Variants in TXNRD1 observed in about 807,000 individuals in gnomAD.
The protein encoded by TXNRD1 is thioredoxin reductase 1, cytoplasmic.
TXNRD1 carries 57 observed loss-of-function variants against 80.3 expected under a neutral mutation model. The ratio of observed to expected loss-of-function variants is 0.71; its 90% CI spans 0.57 to 0.89. The LOEUF (loss-of-function observed/expected upper bound fraction) is 0.89. TXNRD1 is among the 40% of genes least tolerant of loss of function. The pLI, the probability that TXNRD1 is intolerant of heterozygous loss-of-function variation, is 0.00. For synonymous variants in TXNRD1, 291 were observed against 285.2 expected, an observed-to-expected ratio of 1.02 and a Z score of -0.20; for missense variants, 730 against 803.0, an observed-to-expected ratio of 0.91 and a Z score of 1.10.
intron 4 of TXNRD1, among the ~76,000 whole-genome samples, chr12:104,302,988 T>G (rs1159187451): frequency 6.6e-6 from 1 of 152,214 alleles, no homozygotes; most frequent in Non-Finnish European, 1.5e-5. Flanking sequence ...TGCCCACCTT[T>G]TAGGGTTCAG....
At chr12:104,328,139 A>G (rs2035828774) in intron 13 of TXNRD1, among the ~76,000 whole-genome samples, 1 of 151,254 alleles carries the variant, frequency 6.6e-6, no homozygotes, top group Non-Finnish European at 1.5e-5. Flanking sequence ...TACTCCTGCC[A>G]TGGCTACAGA....
At chr12:104,309,640 ACT>A in intron 4 of TXNRD1, 1 of 586,790 alleles carries the variant, frequency 1.7e-6, no homozygotes, top group Non-Finnish European at 2.8e-6. Context: ...TTATTAGTTA[ACT>A]CTTAAACCAG....
chr12:104,309,297 A>G (rs1324607940), intron 4 of TXNRD1, among the ~76,000 whole-genome samples: 1 of 152,220 alleles, frequency 6.6e-6, no homozygotes, highest in Non-Finnish European at 1.5e-5. Flanking sequence ...GGTGAGGTTC[A>G]TTCAGAGCTT....
At chr12:104,240,984 G>A (rs369082361) in intron 1 of TXNRD1, among the ~76,000 whole-genome samples, 3 of 151,270 alleles carry the variant, frequency 2.0e-5, no homozygotes, top group South Asian at 2.1e-4. Flanking sequence ...TTCGTGATCC[G>A]CCCGCCTCGG....
Position 104,339,593 on chromosome 12 carries a change from TC to T in TXNRD1, c.1881+322del, listed in dbSNP as rs565922691. On this transcript the variant is annotated intron_variant, in intron 16 of 16. Coordinates refer to ENST00000525566, the MANE Select transcript of TXNRD1 (RefSeq NM_001093771.3). Reference sequence around the variant, plus strand: ...ATGGAAGAGCTTCAATCTTAGTTATTCCACAGCTATCTTGAGGCTAATTGAT... The same window carrying T: ...ATGGAAGAGCTTCAATCTTAGTTATTCACAGCTATCTTGAGGCTAATTGAT... Among the ~76,000 whole-genome samples, 350 of 152,332 alleles carry T rather than the reference TC, an allele frequency of 2.3e-3. 5 individuals carry two copies. The highest frequency in any genetic ancestry group is 6.5e-4 in the Non-Finnish European group (44 of 68,028).
chr12:104,262,454 C>G (rs1320942083), intron 3 of TXNRD1: 1 of 152,138 alleles, frequency 6.6e-6, no homozygotes, highest in African/African-American at 2.4e-5. Flanking sequence ...ACTGCTGATG[C>G]AGTCTTCTAA....
intron 4 of TXNRD1, among the ~76,000 whole-genome samples, chr12:104,295,123 G>T (rs1279321592): frequency 6.6e-6 from 1 of 152,208 alleles, no homozygotes; most frequent in Non-Finnish European, 1.5e-5. Flanking sequence ...TAGAGTCTTA[G>T]ACTGTTAGAA....
intron 4 of TXNRD1, chr12:104,309,679 G>A (rs1292956579): frequency 2.9e-6 from 3 of 1,020,212 alleles, no homozygotes; most frequent in Non-Finnish European, 4.2e-6. Context: ...AGACCCAGTA[G>A]GGAGTCACAC....
intron 1 of TXNRD1, among the ~76,000 whole-genome samples, chr12:104,232,575 C>T (rs958709619): frequency 1.3e-5 from 2 of 151,516 alleles, no homozygotes; most frequent in Non-Finnish European, 2.9e-5. Context: ...AAAAAAGTGA[C>T]GTTCTTTACT....
At chr12:104,283,019 A>G (rs537052825) in intron 3 of TXNRD1, 1 of 152,250 alleles carries the variant, frequency 6.6e-6, no homozygotes, top group East Asian at 1.9e-4. Flanking sequence ...TAAAATGGTA[A>G]AACAACAATG....
intron 4 of TXNRD1, chr12:104,304,847 G>T (rs1287223052): frequency 1.4e-5 from 22 of 1,613,956 alleles, no homozygotes; most frequent in Non-Finnish European, 1.9e-5. Context: ...CAGGAAACAG[G>T]GAGTTATATC....
intron 4 of TXNRD1, among the ~76,000 whole-genome samples, chr12:104,296,085 G>C (rs569906375): frequency 4.6e-5 from 7 of 152,224 alleles, no homozygotes; most frequent in African/African-American, 1.7e-4. Flanking sequence ...AGCTAGTTAA[G>C]TGGCAGAGTC....
chr12:104,339,623 G>A (rs2036256255), intron 16 of TXNRD1, among the ~76,000 whole-genome samples: 1 of 152,146 alleles, frequency 6.6e-6, no homozygotes. Context: ...AATTGATACT[G>A]TCTGCCTCTT....
intron 4 of TXNRD1, chr12:104,291,192 G>GT: frequency 3.9e-6 from 1 of 257,920 alleles, no homozygotes; most frequent in South Asian, 6.4e-5. Context: ...ATTCTACTTT[G>GT]TGTCTTTTTT....
At chr12:104,329,622 T>G (rs2035881686) in intron 13 of TXNRD1, among the ~76,000 whole-genome samples, 2 of 151,950 alleles carry the variant, frequency 1.3e-5, no homozygotes, top group South Asian at 4.2e-4. Flanking sequence ...CAGTCCAGCC[T>G]GGGCATCAGA....
intron 14 of TXNRD1, among the ~76,000 whole-genome samples, chr12:104,333,140 GGTT>G (rs1290500354): frequency 6.6e-6 from 1 of 151,802 alleles, no homozygotes; most frequent in Non-Finnish European, 1.5e-5. Context: ...TCTTTGATTA[GGTT>G]GTTTACAGTT....
At chr12:104,218,682 A>G (rs1004699020) in intron 1 of TXNRD1, among the ~76,000 whole-genome samples, 2 of 151,354 alleles carry the variant, frequency 1.3e-5, no homozygotes, top group Non-Finnish European at 2.9e-5. Context: ...CAGTGGCCCA[A>G]TCATAGCTCA....
At chr12:104,267,660 T>TCTTTCTTTC (rs2033540523) in intron 3 of TXNRD1, among the ~76,000 whole-genome samples, 1 of 34,224 alleles carries the variant, frequency 2.9e-5, no homozygotes, top group Admixed American at 2.9e-4. Flanking sequence ...TTTCTTTCTT[T>TCTTTCTTTC]CTTTCTTTCT....
At chr12:104,332,725 G>C (rs1028480549) in intron 14 of TXNRD1, among the ~76,000 whole-genome samples, 4 of 138,674 alleles carry the variant, frequency 2.9e-5, no homozygotes, top group Non-Finnish European at 6.1e-5. Context: ...CTCCAGCCTG[G>C]GCAACAAGAG....
Sources: gnomAD v4.1 joint callset for allele counts (sites outside exome capture counted in the v4.1 genomes callset) on GRCh38, gnomAD v4.1.1 for gene constraint, MANE v1.5 for transcripts, NCBI Gene and HGNC (gene_info 2026-07-23, HGNC 2026-07-21) for gene names.